The following ERC2 variants were observed in gnomAD, a reference collection of about 807,000 sequenced individuals.
ERC2 encodes ERC protein 2.
ERC2 carries 42 observed loss-of-function variants against 114.8 expected under a neutral mutation model. The ratio of observed to expected loss-of-function variants is 0.37; its 90% CI spans 0.29 to 0.47. The LOEUF (loss-of-function observed/expected upper bound fraction) is 0.47, where lower values mean the gene tolerates loss of function less well. Among genes scored for constraint, ERC2 ranks in the 20% least tolerant of loss-of-function variants. The pLI is 0.99. For missense variants in ERC2, 939 were observed against 1,150.7 expected (o/e 0.82, Z 2.66); for synonymous variants, 454 against 425.5 (o/e 1.07, Z -0.82).
intron 3 of ERC2, among the ~76,000 whole-genome samples, chr3:56,218,332 C>T (rs1487224621): frequency 6.6e-6 from 1 of 152,026 alleles, no homozygotes; most frequent in African/African-American, 2.4e-5. Context: ...GGGTGAAGGA[C>T]ATGAACAGAC....
intron 2 of ERC2, among the ~76,000 whole-genome samples, chr3:56,432,753 C>T (rs1188994043): frequency 2.0e-5 from 3 of 152,222 alleles, no homozygotes; most frequent in African/African-American, 4.8e-5. Context: ...GTTAGACCAA[C>T]ATCAAAGCCA....
rs370057271 is a variant in ERC2 at position 56,051,826 on chromosome 3, AACACACACACACACACAC to A, written c.1641+28973_1641+28990del. ...GGCGACAGAGTGAGACTCCATCTCA[AACACACACACACACACAC>A]ACACACACACACACACACACACACA... On this transcript the variant is annotated intron_variant, in intron 7 of 17. Coordinates refer to ENST00000288221, the MANE Select transcript of ERC2 (RefSeq NM_015576.3). 2.0e-3 allele frequency among the ~76,000 whole-genome samples: 258 copies of A among 130,118 alleles called. 1 individual carries two copies. Among genetic ancestry groups the A allele is most frequent in the African/African-American group, 5.8e-3 (208 of 35,602 alleles). The allele number at this position is 130,118 out of a possible 152,430, so 85.4% of individuals were successfully genotyped here.
At chr3:56,131,550 G>A (rs1165990449) in intron 6 of ERC2, among the ~76,000 whole-genome samples, 1 of 152,240 alleles carries the variant, frequency 6.6e-6, no homozygotes, top group South Asian at 2.1e-4. Flanking sequence ...AGCTATCTCA[G>A]AAAGGACATT....
intron 3 of ERC2, among the ~76,000 whole-genome samples, chr3:56,205,137 C>A (rs2048644449): frequency 6.6e-6 from 1 of 152,138 alleles, no homozygotes; most frequent in African/African-American, 2.4e-5. Context: ...CCAGTCCTTA[C>A]TATCTGCCAC....
At chr3:55,831,921 C>A (rs570964565) in intron 14 of ERC2, among the ~76,000 whole-genome samples, 11 of 152,348 alleles carry the variant, frequency 7.2e-5, no homozygotes, top group Admixed American at 3.3e-4. Flanking sequence ...GCTTTTCCAA[C>A]GGGCTTAAAA....
intron 12 of ERC2, among the ~76,000 whole-genome samples, chr3:55,969,082 T>C (rs1252665812): frequency 6.6e-6 from 1 of 152,080 alleles, no homozygotes; most frequent in Non-Finnish European, 1.5e-5. Flanking sequence ...AATGGCCAAA[T>C]TCTTAGCAGG....
chr3:55,552,552 A>G (rs886247943), intron 17 of ERC2, among the ~76,000 whole-genome samples: 1 of 151,996 alleles, frequency 6.6e-6, no homozygotes. Context: ...GAAAAAATGC[A>G]CTTTATGTGA....
chr3:55,747,194 C>T (rs2066363060), intron 14 of ERC2, among the ~76,000 whole-genome samples: 1 of 152,162 alleles, frequency 6.6e-6, no homozygotes, highest in Non-Finnish European at 1.5e-5. Flanking sequence ...TGACATTTTT[C>T]ATTCTTTGAC....
chr3:55,513,850 G>A (rs936465719), intron 17 of ERC2, among the ~76,000 whole-genome samples: 5 of 151,800 alleles, frequency 3.3e-5, no homozygotes, highest in East Asian at 2.0e-4. Flanking sequence ...GCCCAGGCTC[G>A]TCTCAAACTC....
chr3:55,997,806 A>G (rs2071641206), intron 10 of ERC2, among the ~76,000 whole-genome samples: 1 of 149,196 alleles, frequency 6.7e-6, no homozygotes, highest in East Asian at 2.0e-4. Flanking sequence ...AATACCAGGC[A>G]TCATTGCTGA....
chr3:56,443,941 CTT>C (rs1012875049), intron 1 of ERC2, among the ~76,000 whole-genome samples: 3 of 129,684 alleles, frequency 2.3e-5, no homozygotes, highest in African/African-American at 8.6e-5. Context: ...TTTGTGAACT[CTT>C]TAAAAATACC....
intron 2 of ERC2, among the ~76,000 whole-genome samples, chr3:56,298,642 A>G (rs781136955): frequency 2.0e-5 from 3 of 150,908 alleles, no homozygotes; most frequent in Non-Finnish European, 3.0e-5. Flanking sequence ...GATTCCACTA[A>G]TAGAATGTCC....
intron 1 of ERC2, among the ~76,000 whole-genome samples, chr3:56,467,636 C>G (rs1375993694): frequency 6.6e-6 from 1 of 151,978 alleles, no homozygotes; most frequent in African/African-American, 2.4e-5. Flanking sequence ...AGAAGGGATG[C>G]CGTTCAGTTC....
chr3:56,368,243 T>C (rs2059231811), intron 2 of ERC2, among the ~76,000 whole-genome samples: 1 of 151,634 alleles, frequency 6.6e-6, no homozygotes, highest in African/African-American at 2.4e-5. Context: ...TCATGGGATA[T>C]TAATTATCAA....
intron 17 of ERC2, among the ~76,000 whole-genome samples, chr3:55,625,336 A>G (rs2059473401): frequency 6.7e-6 from 1 of 149,236 alleles, no homozygotes; most frequent in African/African-American, 2.5e-5. Context: ...CACTGCACTC[A>G]AGTATGGGTG....
intron 14 of ERC2, among the ~76,000 whole-genome samples, chr3:55,779,830 A>G (rs1243196297): frequency 6.6e-6 from 1 of 152,188 alleles, no homozygotes; most frequent in Non-Finnish European, 1.5e-5. Context: ...ACACATCAGA[A>G]TCGTGGGTCT....
chr3:56,273,258 C>CTT (rs1206517864), intron 3 of ERC2, among the ~76,000 whole-genome samples: 5 of 94,740 alleles, frequency 5.3e-5, no homozygotes, highest in African/African-American at 1.0e-4. Flanking sequence ...CTTTTTTTTT[C>CTT]TTTCTTTTTT....
At chr3:56,334,316 A>G (rs566146718) in intron 2 of ERC2, among the ~76,000 whole-genome samples, 1 of 152,370 alleles carries the variant, frequency 6.6e-6, no homozygotes, top group African/African-American at 2.4e-5. Flanking sequence ...GGGCTGGAGA[A>G]GTAGGCCATA....
At chr3:56,206,171 A>T (rs570166426) in intron 3 of ERC2, among the ~76,000 whole-genome samples, 2 of 129,438 alleles carry the variant, frequency 1.5e-5, no homozygotes, top group African/African-American at 5.5e-5. Context: ...AAAATCACAC[A>T]GCCAGAAAAA....
Sources: allele counts gnomAD v4.1 joint callset (sites outside exome capture counted in the v4.1 genomes callset), GRCh38; gene constraint gnomAD v4.1.1; transcripts MANE v1.5; gene names NCBI Gene and HGNC (gene_info 2026-07-23, HGNC 2026-07-21).